Variants in PCGF6 observed in about 807,000 individuals in gnomAD.
PCGF6 encodes polycomb group ring finger 6.
Under a neutral mutation model 45.5 loss-of-function variants are expected in PCGF6, and 24 were observed. The observed-to-expected ratio is 0.53, with a 90% confidence interval of 0.38 to 0.74. The LOEUF is 0.74. Among genes scored for constraint, PCGF6 ranks in the 30% least tolerant of loss-of-function variants. PCGF6 has a pLI of 0.00. For missense variants in PCGF6, 356 were observed against 443.2 expected (o/e 0.80, Z 1.77); for synonymous variants, 152 against 162.1 (o/e 0.94, Z 0.47).
chr10:103,340,955 C>T (rs1055783064), intron 6 of PCGF6, among the ~76,000 whole-genome samples: 4 of 152,126 alleles, frequency 2.6e-5, no homozygotes, highest in African/African-American at 9.6e-5. Context: ...TCCTTACAGG[C>T]GCGGTGGCTC....
chr10:103,323,469 T>C lies in PCGF6; in HGVS notation c.909+3065A>G, dbSNP rs142876938. On this transcript the variant is annotated intron_variant, in intron 8 of 9. Transcript: ENST00000369847. ...GCGCCACCACGCCCGGCTGATTTTA[T>C]ATTTTTAGTAGAGATGCGGTTTACC... Among the ~76,000 whole-genome samples the C allele has an allele frequency of 1.2e-3, 190 of 152,244 alleles. 1 individual carries two copies. The East Asian group carries it at 0.032, about 26-fold the overall frequency.
chr10:103,327,759 C>G (rs1339169217), intron 7 of PCGF6, among the ~76,000 whole-genome samples: 6 of 151,830 alleles, frequency 4.0e-5, no homozygotes, highest in Admixed American at 4.0e-4. Context: ...ACTGCAAGCT[C>G]CGCCTCCCGG....
intron 7 of PCGF6, among the ~76,000 whole-genome samples, chr10:103,332,469 TA>T (rs1230357012): frequency 6.6e-6 from 1 of 152,052 alleles, no homozygotes; most frequent in African/African-American, 2.4e-5. Context: ...AGAGACAGGG[TA>T]TTCCTGTGTT....
At chr10:103,320,443 T>C (rs779081416) in intron 8 of PCGF6, among the ~76,000 whole-genome samples, 58 of 152,076 alleles carry the variant, frequency 3.8e-4, no homozygotes, top group Non-Finnish European at 8.1e-4. Flanking sequence ...TCCCAGCACT[T>C]TGGGAGGCCG....
At chr10:103,316,540 A>G (rs1401913431) in intron 8 of PCGF6, among the ~76,000 whole-genome samples, 1 of 152,202 alleles carries the variant, frequency 6.6e-6, no homozygotes, top group Non-Finnish European at 1.5e-5. Context: ...TGAGATCACA[A>G]AGCTAGTAAA....
rs2093124828 is a variant in PCGF6 at position 103,303,059 on chromosome 10, G to C, written c.*846C>G. On this transcript the variant is annotated 3_prime_UTR_variant, in exon 10 of 10. Coordinates refer to ENST00000369847, the MANE Select transcript of PCGF6 (RefSeq NM_001011663.2). ...CTTTATTGCAGTGATGAAATAATGA[G>C]AAAAATAAACATTAAACTGACTTAC... 6.6e-6 allele frequency: 1 copy of C among 152,562 alleles called. No homozygotes were observed. The highest frequency in any genetic ancestry group is 2.4e-5 in the African/African-American group (1 of 41,442). 9.5% of individuals were successfully genotyped at this position (152,562 alleles called of 1,614,324 possible).
chr10:103,349,053 C>CTTTTT, intron 1 of PCGF6, 54 bp from the exon 2 acceptor site: 1 of 1,176,820 alleles, frequency 8.5e-7, no homozygotes, highest in Non-Finnish European at 1.2e-6. Flanking sequence ...TTTACAAATT[C>CTTTTT]TTTTTTTTTT....
rs373470024 is a variant in PCGF6, at chr10:103,303,970, G to C, written c.997-9C>G. The C allele has an allele frequency of 7.4e-5, 119 of 1,611,510 alleles. No homozygotes were observed. The African/African-American group carries it at 1.1e-3, about 15-fold the overall frequency. On this transcript the variant is annotated splice_polypyrimidine_tract_variant and intron_variant, in intron 9 of 9. Coordinates refer to ENST00000369847, the MANE Select transcript of PCGF6 (RefSeq NM_001011663.2). Reference sequence around the variant, plus strand: ...AGGACAAGCAGACCATCCTGAAAAGGGGAGAAAAAAAGACGATTTTGCAGT... The same window carrying C: ...AGGACAAGCAGACCATCCTGAAAAGCGGAGAAAAAAAGACGATTTTGCAGT...
At chr10:103,330,084 GT>G (rs546668217) in intron 7 of PCGF6, among the ~76,000 whole-genome samples, 3 of 145,394 alleles carry the variant, frequency 2.1e-5, no homozygotes, top group African/African-American at 2.5e-5. Context: ...TTGTTTGTTT[GT>G]TTTTTTTTTG....
At chr10:103,340,564 TG>T (rs1286335186) in intron 6 of PCGF6, among the ~76,000 whole-genome samples, 1 of 152,118 alleles carries the variant, frequency 6.6e-6, no homozygotes, top group Non-Finnish European at 1.5e-5. Context: ...AAGTTCCTGC[TG>T]TGATTAGTGG....
At chr10:103,331,685 C>T (rs1427243217) in intron 7 of PCGF6, among the ~76,000 whole-genome samples, 2 of 152,190 alleles carry the variant, frequency 1.3e-5, no homozygotes, top group Non-Finnish European at 2.9e-5. Flanking sequence ...GTTTATTCTT[C>T]ATCTCTTTCC....
At position 103,350,824 on chromosome 10, in the gene PCGF6, G is replaced by A; in HGVS notation, c.243C>T (p.Asp81=). The A allele has an allele frequency of 6.5e-7, 1 of 1,546,810 alleles. No homozygotes were observed. Among genetic ancestry groups the A allele is most frequent in the Non-Finnish European group, 8.7e-7 (1 of 1,145,464 alleles). ...GCTCCTCTTCTTCTTCCAACTCCTC[G>A]TCCTCGTCCTCGAAGCGGCCTCTGA... ...GRFRGRFEDE[D]EELEEEEELE... The change falls in exon 1 of 10, where the codon GAC becomes GAT. Residue 81 remains aspartate (D), a synonymous_variant. Transcript: ENST00000369847.
chr10:103,330,947 C>A (rs1592067572), intron 7 of PCGF6, among the ~76,000 whole-genome samples: 1 of 152,014 alleles, frequency 6.6e-6, no homozygotes, highest in African/African-American at 2.4e-5. Flanking sequence ...AAAAAAGAAA[C>A]CTGTACCTCT....
At chr10:103,312,211 G>A (rs2093159817) in intron 9 of PCGF6, among the ~76,000 whole-genome samples, 1 of 151,530 alleles carries the variant, frequency 6.6e-6, no homozygotes, top group East Asian at 1.9e-4. Context: ...GGCTAACACA[G>A]TGAAACCCCG....
intron 7 of PCGF6, among the ~76,000 whole-genome samples, chr10:103,330,014 C>T (rs1326206950): frequency 3.3e-5 from 5 of 151,450 alleles, no homozygotes; most frequent in Non-Finnish European, 5.9e-5. Flanking sequence ...GTGATCCACC[C>T]GCCTCAGCCT....
chr10:103,331,187 T>G (rs546019410), intron 7 of PCGF6, among the ~76,000 whole-genome samples: 7 of 152,348 alleles, frequency 4.6e-5, no homozygotes, highest in Admixed American at 1.3e-4. Flanking sequence ...TAATACTCTA[T>G]TATATGAAAA....
chr10:103,339,830 C>T (rs750604369), intron 6 of PCGF6, among the ~76,000 whole-genome samples: 1 of 129,676 alleles, frequency 7.7e-6, no homozygotes, highest in Non-Finnish European at 1.7e-5. Flanking sequence ...CACACACACA[C>T]ACACACACAC....
chr10:103,340,665 A>C (rs1259773827), intron 6 of PCGF6, among the ~76,000 whole-genome samples: 1 of 151,992 alleles, frequency 6.6e-6, no homozygotes, highest in Non-Finnish European at 1.5e-5. Context: ...GGTGCAATCA[A>C]ACCTCACTGC....
intron 8 of PCGF6, among the ~76,000 whole-genome samples, chr10:103,322,132 G>C (rs1444170498): frequency 6.6e-6 from 1 of 152,106 alleles, no homozygotes; most frequent in Non-Finnish European, 1.5e-5. Context: ...CTGACCTCAG[G>C]TGATCCACCC....
Sources: gnomAD v4.1 joint callset for allele counts (sites outside exome capture counted in the v4.1 genomes callset) on GRCh38, gnomAD v4.1.1 for gene constraint, MANE v1.5 for transcripts, NCBI Gene and HGNC (gene_info 2026-07-23, HGNC 2026-07-21) for gene names.